The following MED9 variants were observed in gnomAD, a reference collection of about 807,000 sequenced individuals.
MED9 encodes the protein mediator complex subunit 9.
A neutral mutation model predicts 13.2 loss-of-function variants in MED9; 8 were observed. The observed-to-expected ratio is 0.61, with a 90% CI of 0.36 to 1.10. The LOEUF is 1.10. MED9 is among the 50% of genes least tolerant of loss of function. MED9 has a pLI of 0.02. For synonymous variants in MED9, 87 were observed against 82.8 expected (o/e 1.05, Z -0.28); for missense variants, 180 against 193.4 (o/e 0.93, Z 0.41).
Position 17,489,882 on chromosome 17 carries a change from C to T in MED9, c.225-1397C>T, listed in dbSNP as rs73978933. Among the ~76,000 whole-genome samples the T allele has an allele frequency of 3.1e-3, 467 of 152,278 alleles. 1 individual carries two copies. Among genetic ancestry groups the T allele is most frequent in the African/African-American group, 0.01 (430 of 41,554 alleles). On this transcript the variant is annotated intron_variant, in intron 1 of 1. Transcript: ENST00000268711. The stretch of plus-strand genomic sequence containing the variant: ...GCCATCTGATTTGCAAGGTGTGAGA[C>T]GTAACTGATGGATCGCCAGGAAAGA...
In MED9 at chr17:17,491,503, C is replaced by A. The variant is rs1275244187; in HGVS notation, c.*8C>A. 6.2e-7 allele frequency: 1 copy of A among 1,602,036 alleles called. No individual in the cohort carries two copies. Among genetic ancestry groups the A allele is most frequent in the Non-Finnish European group, 8.6e-7 (1 of 1,169,436 alleles). ...GAAATCCCCAAGGAGTAGAGTGAGGCTGACTTCCTTAGAAAGAGGGGGAAG... is the reference window on the plus strand; with the variant it reads ...GAAATCCCCAAGGAGTAGAGTGAGGATGACTTCCTTAGAAAGAGGGGGAAG... On this transcript the variant is annotated 3_prime_UTR_variant, in exon 2 of 2. Coordinates refer to ENST00000268711, the MANE Select transcript of MED9 (RefSeq NM_018019.3).
At position 17,491,567 on chromosome 17, in the gene MED9, C is replaced by T; in HGVS notation, c.*72C>T. The stretch of plus-strand genomic sequence containing the variant: ...TCCCCACTACCATCCCCAAACGCTC[C>T]TTGGGGCGTGGTTCCTGTGGACCCC... On this transcript the variant is annotated 3_prime_UTR_variant, in exon 2 of 2. Coordinates refer to ENST00000268711, the MANE Select transcript of MED9 (RefSeq NM_018019.3). The T allele has an allele frequency of 2.2e-6, 3 of 1,394,968 alleles. No individual in the cohort carries two copies. The highest frequency in any genetic ancestry group is 3.0e-6 in the Non-Finnish European group (3 of 994,698). The allele number at this position is 1,394,968 out of a possible 1,614,324, so 86.4% of individuals were successfully genotyped here.
Position 17,477,092 on chromosome 17 carries a change from G to A in MED9, c.51G>A (p.Pro17=), listed in dbSNP as rs768348546. The A allele has an allele frequency of 6.2e-7, 1 of 1,606,664 alleles. No homozygotes were observed. Among genetic ancestry groups the A allele is most frequent in the South Asian group, 1.1e-5 (1 of 90,768 alleles). Residue 17 remains proline (P), a synonymous_variant, in exon 1 of 2, where the codon CCG becomes CCA. Transcript: ENST00000268711. ...AAGRQAEDVL[P]PTSDQPLPDT... ...GGCGACAGGCGGAGGATGTATTGCC[G>A]CCAACGTCCGACCAGCCGCTGCCTG...
Position 17,477,172 on chromosome 17 carries a change from A to T in MED9, c.131A>T (p.Gln44Leu). The change falls in exon 1 of 2, where the codon CAG becomes CTG. Residue 44 changes from glutamine to leucine, a missense_variant. Physicochemically the swap from Gln to Leu is moderately radical, Grantham distance 113. Coordinates refer to ENST00000268711, the MANE Select transcript of MED9 (RefSeq NM_018019.3). ...QPPPVPAPQP[Q>L]QSPAPRPQSP... is the part of the protein sequence containing the mutation. ...CCGCCGGTCCCTGCGCCTCAACCGC[A>T]GCAGTCGCCGGCGCCACGGCCTCAG... 2 of 1,610,164 alleles carry T rather than the reference A, an allele frequency of 1.2e-6. No individual in the cohort carries two copies. The highest frequency in any genetic ancestry group is 2.2e-5 in the East Asian group (1 of 44,800).
intron 1 of MED9, among the ~76,000 whole-genome samples, chr17:17,479,751 C>T (rs1186405588): frequency 1.3e-5 from 2 of 152,056 alleles, no homozygotes; most frequent in Non-Finnish European, 2.9e-5. Flanking sequence ...TCACTTGAAC[C>T]CAGATCATGC....
chr17:17,480,809 G>A (rs1326784655), intron 1 of MED9, among the ~76,000 whole-genome samples: 1 of 152,154 alleles, frequency 6.6e-6, no homozygotes, highest in Admixed American at 6.5e-5. Flanking sequence ...GATCCAACCT[G>A]CAAACCTTCA....
At chr17:17,490,146 G>A (rs920276026) in intron 1 of MED9, among the ~76,000 whole-genome samples, 1 of 152,178 alleles carries the variant, frequency 6.6e-6, no homozygotes, top group Non-Finnish European at 1.5e-5. Context: ...TTTAAAAAAC[G>A]TATAGGAAGC....
intron 1 of MED9, among the ~76,000 whole-genome samples, chr17:17,490,629 G>C (rs1172318480): frequency 6.6e-6 from 1 of 152,188 alleles, no homozygotes; most frequent in African/African-American, 2.4e-5. Context: ...TGGTAGAAGA[G>C]AGCCTGTGTC....
At chr17:17,485,755 G>A (rs1365266715) in intron 1 of MED9, 4 of 170,382 alleles carry the variant, frequency 2.3e-5, no homozygotes, top group South Asian at 2.0e-4. Flanking sequence ...GGTGGTCCCC[G>A]TGTCGAGGGT....
At chr17:17,481,019 G>A (rs1597849733) in intron 1 of MED9, among the ~76,000 whole-genome samples, 1 of 152,226 alleles carries the variant, frequency 6.6e-6, no homozygotes, top group Non-Finnish European at 1.5e-5. Flanking sequence ...CCAAGAAATA[G>A]CATCTACTCA....
In MED9 at chr17:17,491,386, C is replaced by T. The variant is rs1009195349; in HGVS notation, c.332C>T (p.Pro111Leu). The T allele has an allele frequency of 9.9e-6, 16 of 1,613,926 alleles. No homozygotes were observed. The African/African-American group carries it at 2.0e-4, about 20-fold the overall frequency. Reference sequence around the variant, plus strand: ...ACCATGCCCGGCATCCACCTGAGCCCCGAACAGCAGCAGCAGCAGCTGCAG... The same window carrying T: ...ACCATGCCCGGCATCCACCTGAGCCTCGAACAGCAGCAGCAGCAGCTGCAG... ...ISTMPGIHLSPEQQQQQLQSL... is the reference protein window; with the variant it reads ...ISTMPGIHLSLEQQQQQLQSL... Residue 111 changes from proline (P) to leucine (L), a missense_variant, in exon 2 of 2, where the codon CCC (proline) becomes CTC (leucine). Transcript: ENST00000268711.
Position 17,483,165 on chromosome 17 carries a change from C to T in MED9, c.224+5900C>T, listed in dbSNP as rs957254779. Among the ~76,000 whole-genome samples, 4 of 152,168 alleles carry T rather than the reference C, an allele frequency of 2.6e-5. No individual in the cohort carries two copies. Among genetic ancestry groups the T allele is most frequent in the Non-Finnish European group, 4.4e-5 (3 of 68,028 alleles). On this transcript the variant is annotated intron_variant, in intron 1 of 1. Coordinates refer to ENST00000268711, the MANE Select transcript of MED9 (RefSeq NM_018019.3). The surrounding 1 kb of genome is among the most constrained non-coding windows in gnomAD (Gnocchi z 4.2). ...TGTTGATACTACTCATTGGCCAGGT[C>T]GTTGAGCCTCGCTTTTGAGTATTAT...
chr17:17,487,078 C>G (rs928460110), intron 1 of MED9: 3 of 152,240 alleles, frequency 2.0e-5, no homozygotes, highest in Non-Finnish European at 4.4e-5. Flanking sequence ...ATGCACCAAT[C>G]GACACTCTGT....
At position 17,491,270 on chromosome 17, in the gene MED9, C is replaced by A; in HGVS notation, c.225-9C>A. On this transcript the variant is annotated splice_polypyrimidine_tract_variant and intron_variant, in intron 1 of 1. Coordinates refer to ENST00000268711, the MANE Select transcript of MED9 (RefSeq NM_018019.3). Reference sequence around the variant, plus strand: ...GCTGTGAATGCTAACAGCTGTTCTTCCCCCACAGCATGGACAAGGACAGCC... The same window carrying A: ...GCTGTGAATGCTAACAGCTGTTCTTACCCCACAGCATGGACAAGGACAGCC... 6.2e-7 allele frequency: 1 copy of A among 1,609,388 alleles called. No individual in the cohort carries two copies.
rs934349800 is a variant in MED9, at chr17:17,493,096, A to C, written c.*1601A>C. On this transcript the variant is annotated 3_prime_UTR_variant, in exon 2 of 2. Transcript: ENST00000268711. Reference sequence around the variant, plus strand: ...GACCCCCGGGGTCTTTCTGAGTGCAAGGCTGAAATGGACAAGGGCTCCTCA... The same window carrying C: ...GACCCCCGGGGTCTTTCTGAGTGCACGGCTGAAATGGACAAGGGCTCCTCA... The C allele has an allele frequency of 5.3e-5, 8 of 152,320 alleles. No individual in the cohort carries two copies. The East Asian group carries it at 1.2e-3, about 22-fold the overall frequency. 9.4% of individuals were successfully genotyped at this position (152,320 alleles called of 1,614,324 possible). A position where few individuals can be genotyped will look rare whatever the true frequency, so the allele number is the denominator to read the frequency against.
At position 17,492,498 on chromosome 17, in the gene MED9, A is replaced by T. The variant is rs1239529273; in HGVS notation, c.*1003A>T. The T allele has an allele frequency of 6.6e-6, 1 of 152,228 alleles. No individual in the cohort carries two copies. The highest frequency in any genetic ancestry group is 2.4e-5 in the African/African-American group (1 of 41,442). The allele number at this position is 152,228 out of a possible 1,614,324, so 9.4% of individuals were successfully genotyped here. A position where few individuals can be genotyped will look rare whatever the true frequency, so the allele number is the denominator to read the frequency against. ...GCCAGTTCAGGTGGTCCCCAACCATAAGCTAGGTCTGAAAGTTACACAGCC... is the reference window on the plus strand; with the variant it reads ...GCCAGTTCAGGTGGTCCCCAACCATTAGCTAGGTCTGAAAGTTACACAGCC... On this transcript the variant is annotated 3_prime_UTR_variant, in exon 2 of 2. Coordinates refer to ENST00000268711, the MANE Select transcript of MED9 (RefSeq NM_018019.3).
intron 1 of MED9, among the ~76,000 whole-genome samples, chr17:17,490,649 A>T (rs1055077204): frequency 4.6e-5 from 7 of 152,224 alleles, no homozygotes; most frequent in African/African-American, 1.4e-4. Flanking sequence ...CTGCTGAGAC[A>T]TTTAAATCAG....
chr17:17,489,084 A>T (rs779786188), intron 1 of MED9, among the ~76,000 whole-genome samples: 13 of 152,180 alleles, frequency 8.5e-5, no homozygotes, highest in Non-Finnish European at 1.8e-4. Flanking sequence ...GGCTTAGCAG[A>T]TGCCCACTTC....
chr17:17,489,295 A>G (rs1004768966), intron 1 of MED9, among the ~76,000 whole-genome samples: 3 of 152,138 alleles, frequency 2.0e-5, no homozygotes, highest in African/African-American at 4.8e-5. Flanking sequence ...AGAACACGCA[A>G]CCCTTGCTAT....
Sources: allele counts gnomAD v4.1 joint callset (sites outside exome capture counted in the v4.1 genomes callset), GRCh38; gene constraint gnomAD v4.1.1; non-coding constraint Gnocchi (gnomAD v3.1); transcripts MANE v1.5; gene names NCBI Gene and HGNC (gene_info 2026-07-23, HGNC 2026-07-21).